Variants in CD99L2 observed in about 807,000 individuals in gnomAD.
CD99L2 encodes the protein CD99 molecule like 2, also known as CD99 antigen-like protein 2.
Under a neutral mutation model 27.3 loss-of-function variants are expected in CD99L2, and 24 were observed. The ratio of observed to expected loss-of-function variants is 0.88; its 90% CI spans 0.64 to 1.24. CD99L2 has a LOEUF of 1.24. CD99L2 is among the 50% of genes most tolerant of loss of function. The pLI, the probability that CD99L2 is intolerant of heterozygous loss-of-function variation, is 0.00. For missense variants in CD99L2, 255 were observed against 221.6 expected (o/e 1.15, Z -0.96); for synonymous variants, 97 against 87.9 (o/e 1.10, Z -0.58).
chrX:150,814,606 TAA>T (rs782004034), intron 4 of CD99L2, among the ~76,000 whole-genome samples: 3 of 112,778 alleles, frequency 2.7e-5, no homozygotes, highest in African/African-American at 9.6e-5. Context: ...TTTAGATTAA[TAA>T]AGTCTTTCAG....
chrX:150,803,830 A>G (rs1569565950), intron 4 of CD99L2, among the ~76,000 whole-genome samples: 1 of 112,279 alleles, frequency 8.9e-6, no homozygotes, highest in Admixed American at 9.4e-5. Context: ...AAAACATAAA[A>G]AAAATCTTTG....
intron 1 of CD99L2, among the ~76,000 whole-genome samples, chrX:150,894,313 G>A (rs1015659477): frequency 8.9e-6 from 1 of 111,782 alleles, no homozygotes; most frequent in African/African-American, 3.3e-5. Context: ...GCCAGGTGCC[G>A]TGCTAAATGC....
chrX:150,770,835 C>A (rs59498561), intron 9 of CD99L2, among the ~76,000 whole-genome samples: 7,022 of 112,481 alleles, frequency 0.062, 203 homozygotes, highest in Middle Eastern at 0.12. Context: ...AGCAAAGCCT[C>A]CTGCCAACAT....
At chrX:150,895,168 G>A (rs1306363058) in intron 1 of CD99L2, among the ~76,000 whole-genome samples, 2 of 111,256 alleles carry the variant, frequency 1.8e-5, no homozygotes, top group Non-Finnish European at 3.8e-5. Flanking sequence ...GTAATGTGGC[G>A]AGGCAGAGGG....
chrX:150,772,513 T>G (rs1557419141), intron 9 of CD99L2, among the ~76,000 whole-genome samples: 3 of 112,606 alleles, frequency 2.7e-5, no homozygotes, highest in Non-Finnish European at 5.6e-5. Context: ...AGGATGTGGT[T>G]GGGACCAAAC....
chrX:150,849,390 A>G (rs2046754871), intron 1 of CD99L2, among the ~76,000 whole-genome samples: 1 of 111,023 alleles, frequency 9.0e-6, no homozygotes, highest in African/African-American at 3.3e-5. Context: ...TGTCCCTATA[A>G]AATTTTTAAA....
chrX:150,839,349 T>C (rs1449304109), intron 1 of CD99L2, among the ~76,000 whole-genome samples: 1 of 111,424 alleles, frequency 9.0e-6, no homozygotes, highest in Non-Finnish European at 1.9e-5. Flanking sequence ...GAGCCTGCAA[T>C]CCTTGAGATT....
intron 1 of CD99L2, among the ~76,000 whole-genome samples, chrX:150,868,477 A>C (rs994997941): frequency 4.5e-5 from 5 of 112,260 alleles, no homozygotes; most frequent in African/African-American, 1.6e-4. Flanking sequence ...CAGTGAGCCA[A>C]GATCTCTGTA....
chrX:150,886,795 T>G (rs1371356664), intron 1 of CD99L2, among the ~76,000 whole-genome samples: 5 of 111,618 alleles, frequency 4.5e-5, no homozygotes, highest in African/African-American at 1.6e-4. Context: ...CCCACCCGCC[T>G]TATCCCTTGC....
At chrX:150,883,332 CTT>C (rs1445897337) in intron 1 of CD99L2, among the ~76,000 whole-genome samples, 2 of 112,062 alleles carry the variant, frequency 1.8e-5, no homozygotes, top group African/African-American at 6.5e-5. Context: ...CAAATTTTGA[CTT>C]TGGTTTTGAC....
intron 1 of CD99L2, among the ~76,000 whole-genome samples, chrX:150,855,415 A>C (rs1557421709): frequency 8.9e-6 from 1 of 111,748 alleles, no homozygotes; most frequent in East Asian, 2.8e-4. Context: ...GGAAACTTAC[A>C]GTCATGGTGG....
intron 1 of CD99L2, among the ~76,000 whole-genome samples, chrX:150,867,204 G>A (rs924741237): frequency 2.0e-4 from 22 of 111,235 alleles, no homozygotes; most frequent in African/African-American, 7.2e-4. Context: ...GAGTCCAGGA[G>A]TTCAAGACTA....
intron 1 of CD99L2, among the ~76,000 whole-genome samples, chrX:150,850,838 CTTTT>C (rs1161634063): frequency 4.7e-5 from 5 of 105,611 alleles, no homozygotes; most frequent in Non-Finnish European, 7.9e-5. Flanking sequence ...TTTTTTCTTT[CTTTT>C]TTTTTTGTTT....
At chrX:150,772,618 G>A (rs1035496599) in intron 9 of CD99L2, among the ~76,000 whole-genome samples, 3 of 113,021 alleles carry the variant, frequency 2.7e-5, no homozygotes, top group Admixed American at 9.3e-5. Flanking sequence ...AACAGGTCCC[G>A]CTGGAGGAGC....
At chrX:150,849,267 T>C (rs1483502339) in intron 1 of CD99L2, among the ~76,000 whole-genome samples, 4 of 111,625 alleles carry the variant, frequency 3.6e-5, no homozygotes, top group African/African-American at 1.3e-4. Flanking sequence ...AAAAACAGAA[T>C]GAGGCCAGGC....
chrX:150,818,106 C>G (rs1672459572), intron 2 of CD99L2, among the ~76,000 whole-genome samples: 1 of 95,459 alleles, frequency 1.0e-5, no homozygotes, highest in Non-Finnish European at 2.1e-5. Context: ...ATACATGAAG[C>G]AAAAAATTGC....
intron 7 of CD99L2, among the ~76,000 whole-genome samples, chrX:150,788,445 C>T (rs1557419630): frequency 9.0e-6 from 1 of 111,186 alleles, no homozygotes; most frequent in African/African-American, 3.3e-5. Flanking sequence ...ACCAGTTAAG[C>T]GGTTAAGGTC....
At chrX:150,798,527 A>T (rs1391798804) in intron 4 of CD99L2, among the ~76,000 whole-genome samples, 3 of 111,242 alleles carry the variant, frequency 2.7e-5, no homozygotes, top group Non-Finnish European at 5.7e-5. Context: ...ACATACAAAA[A>T]TTAACTCAAA....
intron 1 of CD99L2, among the ~76,000 whole-genome samples, chrX:150,890,137 C>T (rs963056504): frequency 8.7e-5 from 8 of 91,847 alleles, no homozygotes; most frequent in Non-Finnish European, 1.2e-4. Flanking sequence ...TGGGCGAGAG[C>T]GAGACTCCGT....
Sources: gnomAD v4.1 joint callset for allele counts (sites outside exome capture counted in the v4.1 genomes callset) on GRCh38, gnomAD v4.1.1 for gene constraint, MANE v1.5 for transcripts, NCBI Gene and HGNC (gene_info 2026-07-23, HGNC 2026-07-21) for gene names.